The following PDE11A variants were observed in gnomAD, a reference collection of about 807,000 sequenced individuals.
PDE11A encodes the protein dual 3',5'-cyclic-AMP and -GMP phosphodiesterase 11A.
In PDE11A, 100 loss-of-function variants were observed where a neutral mutation model predicts 100.5. That is an observed-to-expected ratio of 1.00 (90% CI 0.85 to 1.18). The LOEUF (loss-of-function observed/expected upper bound fraction) is 1.18, where lower values mean the gene tolerates loss of function less well. Ranked by LOEUF, PDE11A falls within the 50% of genes most tolerant of loss-of-function variation. The pLI is 0.00. For synonymous variants in PDE11A, 381 were observed against 420.8 expected (o/e 0.91, Z 1.16); for missense variants, 1,141 against 1,152.6 (o/e 0.99, Z 0.15).
intron 2 of PDE11A, among the ~76,000 whole-genome samples, chr2:178,085,189 G>T (rs925527320): frequency 1.2e-4 from 19 of 152,148 alleles, no homozygotes; most frequent in African/African-American, 4.6e-4. Context: ...GTACCTAGAC[G>T]TGAGGTGCTG....
At chr2:177,933,443 G>A (rs1237789493) in intron 2 of PDE11A, among the ~76,000 whole-genome samples, 4 of 152,148 alleles carry the variant, frequency 2.6e-5, no homozygotes, top group Non-Finnish European at 5.9e-5. Flanking sequence ...CACTTTGGGA[G>A]GCCGAGGTGG....
intron 2 of PDE11A, among the ~76,000 whole-genome samples, chr2:177,995,955 G>A (rs1004791888): frequency 5.9e-5 from 9 of 152,130 alleles, no homozygotes; most frequent in African/African-American, 1.7e-4. Flanking sequence ...AGCTGGGCGC[G>A]GTGGCTCAAG....
intron 19 of PDE11A, among the ~76,000 whole-genome samples, chr2:177,655,489 C>A (rs1439569817): frequency 1.3e-5 from 2 of 152,184 alleles, no homozygotes; most frequent in African/African-American, 2.4e-5. Flanking sequence ...TGAGTCCTCA[C>A]TGCTACTCAG....
chr2:177,957,118 A>G (rs1229045902), intron 2 of PDE11A, among the ~76,000 whole-genome samples: 2 of 152,158 alleles, frequency 1.3e-5, no homozygotes, highest in African/African-American at 4.8e-5. Context: ...GCTGGTCCAT[A>G]GATCAGACTT....
At chr2:177,655,955 G>A (rs1252992942) in intron 19 of PDE11A, among the ~76,000 whole-genome samples, 1 of 152,036 alleles carries the variant, frequency 6.6e-6, no homozygotes, top group African/African-American at 2.4e-5. Flanking sequence ...ACATTTTCTG[G>A]CAATGCTGGA....
intron 5 of PDE11A, among the ~76,000 whole-genome samples, chr2:177,849,609 C>T (rs969944172): frequency 6.6e-6 from 1 of 151,642 alleles, no homozygotes; most frequent in Non-Finnish European, 1.5e-5. Flanking sequence ...GAATAAAATA[C>T]CTTTTATTTA....
chr2:177,811,494 T>G (rs1312393979), intron 9 of PDE11A, among the ~76,000 whole-genome samples: 1 of 100,706 alleles, frequency 9.9e-6, no homozygotes, highest in African/African-American at 5.3e-5. Context: ...ATTCAATTGT[T>G]AAACAAAATC....
chr2:177,897,404 A>G (rs990580293), intron 4 of PDE11A, among the ~76,000 whole-genome samples: 9 of 152,222 alleles, frequency 5.9e-5, no homozygotes, highest in African/African-American at 2.2e-4. Context: ...CCTATGGAGC[A>G]GCAGGAACCC....
At chr2:177,908,110 C>A (rs542111818) in intron 2 of PDE11A, among the ~76,000 whole-genome samples, 72 of 152,250 alleles carry the variant, frequency 4.7e-4, no homozygotes, top group African/African-American at 1.7e-3. Context: ...CTAAGATCTA[C>A]CTTCTTAACT....
intron 17 of PDE11A, among the ~76,000 whole-genome samples, chr2:177,675,048 T>C (rs1177105961): frequency 6.6e-6 from 1 of 152,076 alleles, no homozygotes; most frequent in African/African-American, 2.4e-5. Flanking sequence ...GATATCTAAA[T>C]AATATTTAAA....
intron 9 of PDE11A, among the ~76,000 whole-genome samples, chr2:177,807,376 A>G (rs1222505976): frequency 6.6e-6 from 1 of 152,004 alleles, no homozygotes; most frequent in East Asian, 1.9e-4. Flanking sequence ...TTCTATAACA[A>G]TTGCATTGTT....
chr2:177,942,771 T>C (rs1475816218), intron 2 of PDE11A, among the ~76,000 whole-genome samples: 2 of 152,244 alleles, frequency 1.3e-5, no homozygotes, highest in African/African-American at 4.8e-5. Flanking sequence ...TTTAAGTCTC[T>C]AGTTCAGTAG....
At chr2:177,798,792 G>T (rs975733054) in intron 9 of PDE11A, among the ~76,000 whole-genome samples, 5 of 152,048 alleles carry the variant, frequency 3.3e-5, no homozygotes, top group African/African-American at 1.2e-4. Context: ...CCATACAAAA[G>T]AATTCTAAAT....
chr2:178,051,987 T>G (rs2086834468), intron 1 of PDE11A, among the ~76,000 whole-genome samples: 1 of 152,006 alleles, frequency 6.6e-6, no homozygotes, highest in Non-Finnish European at 1.5e-5. Context: ...ACCCAGGAAT[T>G]GAACTCAGCT....
intron 3 of PDE11A, among the ~76,000 whole-genome samples, chr2:177,901,264 G>A (rs192220812): frequency 3.2e-4 from 49 of 151,846 alleles, no homozygotes; most frequent in Non-Finnish European, 2.6e-4. Flanking sequence ...CCATCCATGA[G>A]CTAACTCAGG....
rs535226143 is a variant in PDE11A, at chr2:177,865,955, A to G, written c.1367+9904T>C. On this transcript the variant is annotated intron_variant, in intron 5 of 19. Coordinates refer to ENST00000286063, the MANE Select transcript of PDE11A (RefSeq NM_016953.4). ...GGTATGGTTGAACAACCTTGTGAAT[A>G]TATTAAAAACCACTGAATTGAACAC... Among the ~76,000 whole-genome samples the G allele has an allele frequency of 1.6e-3, 244 of 152,266 alleles. 2 individuals are homozygous for G. The highest frequency in any genetic ancestry group is 5.1e-3 in the African/African-American group (213 of 41,548).
At chr2:178,064,509 G>A (rs766778338) in intron 1 of PDE11A, among the ~76,000 whole-genome samples, 1 of 152,140 alleles carries the variant, frequency 6.6e-6, no homozygotes, top group Non-Finnish European at 1.5e-5. Context: ...AAATGGGTGT[G>A]GTCATAGTTA....
At chr2:177,984,929 G>T (rs1162228970) in intron 2 of PDE11A, among the ~76,000 whole-genome samples, 1 of 152,196 alleles carries the variant, frequency 6.6e-6, no homozygotes, top group Non-Finnish European at 1.5e-5. Context: ...CAGCTCCAAA[G>T]CTGACTGGCT....
intron 5 of PDE11A, among the ~76,000 whole-genome samples, chr2:177,861,173 T>A (rs1218148638): frequency 2.0e-5 from 3 of 151,724 alleles, no homozygotes; most frequent in Non-Finnish European, 4.4e-5. Flanking sequence ...GGTGATAAAA[T>A]CTCATATACA....
Sources: allele counts gnomAD v4.1 joint callset (sites outside exome capture counted in the v4.1 genomes callset), GRCh38; gene constraint gnomAD v4.1.1; transcripts MANE v1.5; gene names NCBI Gene and HGNC (gene_info 2026-07-23, HGNC 2026-07-21).